Variants in GABRB1 observed in about 807,000 individuals in gnomAD.
GABRB1 encodes the protein gamma-aminobutyric acid receptor subunit beta-1.
Under a neutral mutation model 51.6 loss-of-function variants are expected in GABRB1, and 17 were observed. The ratio of observed to expected loss-of-function variants is 0.33; its 90% confidence interval spans 0.23 to 0.49. GABRB1 has a LOEUF of 0.49. GABRB1 is among the 20% of genes least tolerant of loss of function. The pLI, the probability that GABRB1 is intolerant of heterozygous loss-of-function variation, is 0.99. For missense variants in GABRB1, 410 were observed against 600.6 expected (o/e 0.68, Z 3.32); for synonymous variants, 247 against 218.9 (o/e 1.13, Z -1.14).
chr4:47,134,635 G>T (rs1314985671), intron 3 of GABRB1, among the ~76,000 whole-genome samples: 3 of 152,176 alleles, frequency 2.0e-5, no homozygotes, highest in African/African-American at 7.2e-5. Flanking sequence ...GGAATCATCT[G>T]TCAAATTTCT....
At chr4:47,270,100 A>G (rs1722805807) in intron 4 of GABRB1, among the ~76,000 whole-genome samples, 1 of 152,162 alleles carries the variant, frequency 6.6e-6, no homozygotes, top group South Asian at 2.1e-4. Context: ...GGATTCTTAG[A>G]CTATTTCTAT....
intron 3 of GABRB1, among the ~76,000 whole-genome samples, chr4:47,159,677 A>G (rs954961015): frequency 1.3e-5 from 2 of 152,108 alleles, no homozygotes; most frequent in Admixed American, 6.6e-5. Context: ...ATGTTCTTCA[A>G]TATGGTTAAA....
At chr4:47,006,882 T>C (rs963735364) in intron 1 of GABRB1, among the ~76,000 whole-genome samples, 1 of 152,092 alleles carries the variant, frequency 6.6e-6, no homozygotes, top group African/African-American at 2.4e-5. Flanking sequence ...AGGCTGGGGA[T>C]GGTGGCTCAA....
intron 5 of GABRB1, among the ~76,000 whole-genome samples, chr4:47,393,460 T>C (rs1728076734): frequency 6.6e-6 from 1 of 151,940 alleles, no homozygotes; most frequent in Non-Finnish European, 1.5e-5. Flanking sequence ...CATAGGAGTC[T>C]ACCTACAGCT....
At chr4:47,177,824 T>G (rs959825334) in intron 4 of GABRB1, among the ~76,000 whole-genome samples, 27 of 151,872 alleles carry the variant, frequency 1.8e-4, no homozygotes, top group African/African-American at 6.0e-4. Flanking sequence ...TGGTTTTTTT[T>G]TTTTTTTTTT....
At chr4:47,306,574 C>T (rs1328096447) in intron 4 of GABRB1, among the ~76,000 whole-genome samples, 1 of 152,022 alleles carries the variant, frequency 6.6e-6, no homozygotes, top group African/African-American at 2.4e-5. Context: ...CCTTCCCCTA[C>T]CTCTCCCTCC....
intron 4 of GABRB1, among the ~76,000 whole-genome samples, chr4:47,246,337 CATATATATAT>C (rs60968247): frequency 2.9e-3 from 153 of 53,236 alleles, no homozygotes; most frequent in Non-Finnish European, 3.6e-3. Flanking sequence ...CACATATGTA[CATATATATAT>C]ATATATATAT....
chr4:47,275,665 G>A (rs898230414), intron 4 of GABRB1, among the ~76,000 whole-genome samples: 16 of 152,022 alleles, frequency 1.1e-4, no homozygotes, highest in African/African-American at 3.9e-4. Context: ...TGTGTTATTA[G>A]GTTTCCAAGA....
chr4:47,115,539 T>A (rs1345090295), intron 3 of GABRB1, among the ~76,000 whole-genome samples: 1 of 152,088 alleles, frequency 6.6e-6, no homozygotes, highest in Non-Finnish European at 1.5e-5. Context: ...TGTTTAATGA[T>A]ATATTCAACT....
chr4:47,237,887 C>A (rs1721386373), intron 4 of GABRB1, among the ~76,000 whole-genome samples: 1 of 151,852 alleles, frequency 6.6e-6, no homozygotes, highest in Non-Finnish European at 1.5e-5. Context: ...TACATTGATT[C>A]TTTTTATGAG....
chr4:47,171,608 A>C (rs1718437320), intron 4 of GABRB1, among the ~76,000 whole-genome samples: 1 of 152,136 alleles, frequency 6.6e-6, no homozygotes, highest in Non-Finnish European at 1.5e-5. Flanking sequence ...ACATGTATAA[A>C]TTCATACATA....
At chr4:47,033,549 T>C (rs985321166) in intron 3 of GABRB1, among the ~76,000 whole-genome samples, 3 of 152,186 alleles carry the variant, frequency 2.0e-5, no homozygotes, top group Non-Finnish European at 4.4e-5. Context: ...CCTGAATAAT[T>C]TAAAGAGTAA....
intron 4 of GABRB1, among the ~76,000 whole-genome samples, chr4:47,174,459 C>T (rs894283656): frequency 6.6e-6 from 1 of 152,138 alleles, no homozygotes; most frequent in Non-Finnish European, 1.5e-5. Flanking sequence ...TACTTCAACT[C>T]TTGTAGATAC....
rs112756650 is a variant in GABRB1 at position 47,350,031 on chromosome 4, T to C, written c.544+29822T>C. ...TAAGGAGAGAGAATACAATAATCTATACTTTCACAATATAAAAAACCTTTA... is the reference window on the plus strand; with the variant it reads ...TAAGGAGAGAGAATACAATAATCTACACTTTCACAATATAAAAAACCTTTA... On this transcript the variant is annotated intron_variant, in intron 5 of 8. Transcript: ENST00000295454. Among the ~76,000 whole-genome samples the C allele has an allele frequency of 5.5e-3, 840 of 152,108 alleles. 6 individuals carry two copies. Among genetic ancestry groups the C allele is most frequent in the African/African-American group, 0.019 (779 of 41,510 alleles).
chr4:47,287,968 T>A (rs1723573829), intron 4 of GABRB1, among the ~76,000 whole-genome samples: 1 of 152,146 alleles, frequency 6.6e-6, no homozygotes, highest in Non-Finnish European at 1.5e-5. Flanking sequence ...ATGACCACAG[T>A]CCCAGCCAGC....
intron 4 of GABRB1, among the ~76,000 whole-genome samples, chr4:47,242,385 C>G (rs1439417766): frequency 6.6e-6 from 1 of 152,184 alleles, no homozygotes; most frequent in Non-Finnish European, 1.5e-5. Flanking sequence ...GATTTATAAT[C>G]CTTTGAGTAT....
chr4:47,344,399 T>C (rs1726014292), intron 5 of GABRB1, among the ~76,000 whole-genome samples: 1 of 152,360 alleles, frequency 6.6e-6, no homozygotes, highest in East Asian at 1.9e-4. Flanking sequence ...TGATATTATA[T>C]GGTTAGAGTA....
intron 4 of GABRB1, among the ~76,000 whole-genome samples, chr4:47,269,990 G>A (rs1722798941): frequency 7.8e-6 from 1 of 127,424 alleles, no homozygotes; most frequent in South Asian, 2.6e-4. Flanking sequence ...TGAGTCTGAT[G>A]ACTCTTAAAG....
chr4:47,205,800 G>T (rs973279748), intron 4 of GABRB1, among the ~76,000 whole-genome samples: 2 of 152,092 alleles, frequency 1.3e-5, no homozygotes, highest in African/African-American at 4.8e-5. Context: ...ATATCTTTGT[G>T]TAGCACTGAA....
Sources: gnomAD v4.1 joint callset for allele counts (sites outside exome capture counted in the v4.1 genomes callset) on GRCh38, gnomAD v4.1.1 for gene constraint, MANE v1.5 for transcripts, NCBI Gene and HGNC (gene_info 2026-07-23, HGNC 2026-07-21) for gene names.